Variants in NCMAP observed in about 807,000 individuals in gnomAD.
NCMAP encodes non-compact myelin associated protein, also known as noncompact myelin-associated protein.
NCMAP carries 8 observed loss-of-function variants against 7.8 expected under a neutral mutation model. That is an observed-to-expected ratio of 1.02 (90% CI 0.60 to 1.84). The LOEUF (loss-of-function observed/expected upper bound fraction) is 1.84. NCMAP is among the 40% of genes most tolerant of loss of function. The pLI, the probability that NCMAP is intolerant of heterozygous loss-of-function variation, is 0.00. For synonymous variants in NCMAP, 41 were observed against 52.9 expected, an observed-to-expected ratio of 0.78 and a Z score of 0.98; for missense variants, 112 against 131.4, an observed-to-expected ratio of 0.85 and a Z score of 0.72.
Position 24,605,617 on chromosome 1 carries a change from C to T in NCMAP, c.179C>T (p.Thr60Met), listed in dbSNP as rs1217165362. The T allele has an allele frequency of 3.7e-6, 6 of 1,614,148 alleles. No homozygotes were observed. The highest frequency in any genetic ancestry group is 1.1e-5 in the South Asian group (1 of 91,076). Reference sequence around the variant, plus strand: ...TTATCTCCCTACAGGAAAATGAGGACGAGGCGGGAACTAGAGCCCAAGGGC... The same window carrying T: ...TTATCTCCCTACAGGAAAATGAGGATGAGGCGGGAACTAGAGCCCAAGGGC... ...LLKMYNRKMR[T>M]RRELEPKGPK... is the part of the protein sequence containing the mutation. The change falls in exon 4 of 4, where the codon ACG becomes ATG. Residue 60 changes from threonine to methionine, a missense_variant. Transcript: ENST00000374392.
At chr1:24,583,396 A>C (rs1259509324) in intron 1 of NCMAP, among the ~76,000 whole-genome samples, 1 of 152,152 alleles carries the variant, frequency 6.6e-6, no homozygotes, top group African/African-American at 2.4e-5. Flanking sequence ...TTGGGCTCAA[A>C]ATATCAACAG....
At chr1:24,588,250 G>A (rs1051320144) in intron 1 of NCMAP, among the ~76,000 whole-genome samples, 3 of 152,022 alleles carry the variant, frequency 2.0e-5, no homozygotes, top group Admixed American at 2.0e-4. Flanking sequence ...CCTGGCCTTA[G>A]GGTCAATTTT....
intron 1 of NCMAP, among the ~76,000 whole-genome samples, chr1:24,591,322 G>A (rs1188122549): frequency 1.3e-5 from 2 of 152,140 alleles, no homozygotes; most frequent in Non-Finnish European, 2.9e-5. Flanking sequence ...CTGGAGTGCA[G>A]TGGCGCAATC....
rs536865563 is a variant in NCMAP at position 24,568,426 on chromosome 1, G to A, written c.-8+12257G>A. Among the ~76,000 whole-genome samples the A allele has an allele frequency of 1.1e-4, 17 of 152,112 alleles. No homozygotes were observed. In the South Asian group the frequency reaches 2.5e-3, roughly 22 times the overall value. On this transcript the variant is annotated intron_variant, in intron 1 of 3. Transcript: ENST00000374392. ...CTGACCTGGGGTCCCCAGGGACCTC[G>A]GTGATGCTAGATCCATTGCTGATTT...
intron 1 of NCMAP, among the ~76,000 whole-genome samples, chr1:24,590,185 G>T (rs932606637): frequency 6.6e-6 from 1 of 152,202 alleles, no homozygotes. Flanking sequence ...CATTTTGCTA[G>T]TTGAATCAGG....
intron 1 of NCMAP, among the ~76,000 whole-genome samples, chr1:24,562,465 G>C (rs1451890069): frequency 4.6e-5 from 7 of 152,196 alleles, no homozygotes; most frequent in Admixed American, 6.5e-5. Flanking sequence ...ACCTCCCTGA[G>C]GGTGAGGACT....
rs140927397 is a variant in NCMAP, at chr1:24,605,756, C to T, written c.*9C>T. ...AGGTGGAGACGCGATGACCTCTACC[C>T]TGGCGCTATCTCCACCACTGTCCAA... On this transcript the variant is annotated 3_prime_UTR_variant, in exon 4 of 4. Coordinates refer to ENST00000374392, the MANE Select transcript of NCMAP (RefSeq NM_001010980.5). 525 of 1,614,076 alleles carry T rather than the reference C, an allele frequency of 3.3e-4. 3 individuals are homozygous for T. In the African/African-American group the frequency reaches 6.4e-3, roughly 20 times the overall value.
chr1:24,557,438 TGTGTGCAC>T (rs1247295574), intron 1 of NCMAP, among the ~76,000 whole-genome samples: 9 of 151,710 alleles, frequency 5.9e-5, no homozygotes, highest in East Asian at 5.8e-4. Flanking sequence ...TGCATGTGGG[TGTGTGCAC>T]GTGTGTGCGT....
intron 3 of NCMAP, among the ~76,000 whole-genome samples, chr1:24,604,832 T>A (rs1652664500): frequency 6.7e-6 from 1 of 150,210 alleles, no homozygotes; most frequent in South Asian, 2.1e-4. Context: ...TACAAAAATT[T>A]GGCTGGGCAT....
intron 1 of NCMAP, chr1:24,589,738 A>G (rs1002357978): frequency 1.3e-5 from 2 of 152,284 alleles, no homozygotes; most frequent in African/African-American, 2.4e-5. Context: ...AAGGATGCAG[A>G]CGTTGCCACA....
intron 1 of NCMAP, among the ~76,000 whole-genome samples, chr1:24,593,893 TTTATTTA>T (rs1194890213): frequency 5.4e-5 from 8 of 148,098 alleles, no homozygotes; most frequent in Non-Finnish European, 7.5e-5. Flanking sequence ...TATTTATTTA[TTTATTTA>T]TTTTTTATTT....
intron 1 of NCMAP, among the ~76,000 whole-genome samples, chr1:24,577,401 G>GTTTTTTT (rs71577720): frequency 1.0e-3 from 41 of 39,928 alleles, no homozygotes; most frequent in African/African-American, 2.0e-3. Context: ...CACTGGCCTT[G>GTTTTTTT]TTTTTTTTTT....
At chr1:24,569,456 C>G (rs1424302477) in intron 1 of NCMAP, among the ~76,000 whole-genome samples, 1 of 150,206 alleles carries the variant, frequency 6.7e-6, no homozygotes, top group Non-Finnish European at 1.5e-5. Context: ...TCCCATTGTT[C>G]TTCCCAGCTA....
At chr1:24,564,237 C>T (rs1375264315) in intron 1 of NCMAP, among the ~76,000 whole-genome samples, 1 of 151,990 alleles carries the variant, frequency 6.6e-6, no homozygotes, top group African/African-American at 2.4e-5. Flanking sequence ...AGGCCAGGCG[C>T]AGTGGCTCAC....
intron 2 of NCMAP, 75 bp downstream of exon 2, chr1:24,595,587 AGTGTG>A: frequency 8.2e-7 from 1 of 1,223,698 alleles, no homozygotes. Flanking sequence ...AGAGGTTAAG[AGTGTG>A]GGCTCTGGAG....
chr1:24,575,907 T>A (rs758800437), intron 1 of NCMAP, among the ~76,000 whole-genome samples: 83 of 117,310 alleles, frequency 7.1e-4, no homozygotes, highest in Admixed American at 2.2e-3. Context: ...ATCGCACCAT[T>A]GCACTCTCAA....
chr1:24,562,027 G>GT (rs1200224908), intron 1 of NCMAP, among the ~76,000 whole-genome samples: 1 of 152,104 alleles, frequency 6.6e-6, no homozygotes, highest in Non-Finnish European at 1.5e-5. Context: ...ATGAAACTTG[G>GT]TTTTTTGTTT....
chr1:24,574,942 C>T (rs748595670), intron 1 of NCMAP, among the ~76,000 whole-genome samples: 23 of 111,422 alleles, frequency 2.1e-4, no homozygotes, highest in Middle Eastern at 3.6e-3. Flanking sequence ...ATTACAGGCA[C>T]CACCATCATG....
In NCMAP at chr1:24,591,801, G is replaced by A. The variant is rs1652056872; in HGVS notation, c.-7-3623G>A. ...CAAGAGCTAGGGAGGGTTAGGCAGGGCCCCGGATTAAGGGAGCACAGAGAA... is the reference window on the plus strand; with the variant it reads ...CAAGAGCTAGGGAGGGTTAGGCAGGACCCCGGATTAAGGGAGCACAGAGAA... On this transcript the variant is annotated intron_variant, in intron 1 of 3. Transcript: ENST00000374392. Among the ~76,000 whole-genome samples the A allele has an allele frequency of 2.6e-5, 4 of 152,134 alleles. No homozygotes were observed. The South Asian group carries it at 8.3e-4, about 32-fold the overall frequency.
Sources: allele counts gnomAD v4.1 joint callset (sites outside exome capture counted in the v4.1 genomes callset), GRCh38; gene constraint gnomAD v4.1.1; transcripts MANE v1.5; gene names NCBI Gene and HGNC (gene_info 2026-07-23, HGNC 2026-07-21).